TG: variants seen among roughly 807,000 people sequenced by gnomAD.
The protein encoded by TG is thyroid hormones.
Under a neutral mutation model 324.7 loss-of-function variants are expected in TG, and 270 were observed. The ratio of observed to expected loss-of-function variants is 0.83; its 90% CI spans 0.75 to 0.92. TG has a LOEUF of 0.92. TG is among the 40% of genes least tolerant of loss of function. The pLI is 0.00. For synonymous variants in TG, 1,401 were observed against 1,327.0 expected (o/e 1.06, Z -1.21); for missense variants, 3,591 against 3,456.4 (o/e 1.04, Z -0.98).
chr8:132,955,483 C>A (rs1289151885), intron 27 of TG, among the ~76,000 whole-genome samples: 2 of 152,220 alleles, frequency 1.3e-5, no homozygotes, highest in African/African-American at 4.8e-5. Context: ...CAAGCCACGG[C>A]TCTAGGGCTA....
intron 18 of TG, among the ~76,000 whole-genome samples, chr8:132,910,529 G>A (rs1819363697): frequency 6.6e-6 from 1 of 152,070 alleles, no homozygotes; most frequent in African/African-American, 2.4e-5. Context: ...ATAGTATTAG[G>A]GAACTTTGTG....
chr8:133,123,743 T>C (rs970301058), intron 45 of TG, among the ~76,000 whole-genome samples: 8 of 152,330 alleles, frequency 5.3e-5, no homozygotes, highest in Admixed American at 5.2e-4. Context: ...TGGTCTGTGC[T>C]CTGGGCCCCA....
chr8:133,115,422 G>A (rs537292273), intron 44 of TG, among the ~76,000 whole-genome samples: 1 of 152,266 alleles, frequency 6.6e-6, no homozygotes, highest in African/African-American at 2.4e-5. Flanking sequence ...TGCATGGGGG[G>A]AAACTCAGTT....
chr8:133,106,872 T>C (rs2979028), intron 43 of TG, among the ~76,000 whole-genome samples: 48,192 of 152,060 alleles, frequency 0.32, 8,310 homozygotes, highest in African/African-American at 0.45. Flanking sequence ...TGCCTCGAGC[T>C]GCTCCTGGCA....
intron 16 of TG, among the ~76,000 whole-genome samples, chr8:132,904,434 A>G (rs1469604980): frequency 6.6e-6 from 1 of 152,212 alleles, no homozygotes; most frequent in African/African-American, 2.4e-5. Flanking sequence ...TAAAGATGTA[A>G]AGTGTACTCT....
chr8:133,019,542 G>T, intron 38 of TG, 60 bp from the exon 39 acceptor site: 1 of 1,444,228 alleles, frequency 6.9e-7, no homozygotes, highest in South Asian at 1.1e-5. Flanking sequence ...GACCATGGTG[G>T]TGGGTGGGGA....
chr8:132,972,218 C>G (rs1338630981), intron 33 of TG: 1 of 450,560 alleles, frequency 2.2e-6, no homozygotes, highest in Non-Finnish European at 4.1e-6. Flanking sequence ...GATTCCCTTA[C>G]TAGTGTGTGA....
At position 133,043,136 on chromosome 8, in the gene TG, T is replaced by C. The variant is rs374943223; in HGVS notation, c.7239+13113T>C. ...GAGGTGAACAGATGACTGTAATCCA[T>C]TGAGTGGTTCGATGACCAGGAACAT... On this transcript the variant is annotated intron_variant, in intron 41 of 47. Transcript: ENST00000220616. Among the ~76,000 whole-genome samples the C allele has an allele frequency of 2.5e-4, 38 of 152,264 alleles. No individual in the cohort carries two copies. In the East Asian group the frequency reaches 6.0e-3, roughly 24 times the overall value.
intron 20 of TG, among the ~76,000 whole-genome samples, chr8:132,915,565 G>A (rs1039731039): frequency 6.6e-6 from 1 of 152,164 alleles, no homozygotes; most frequent in Non-Finnish European, 1.5e-5. Context: ...CTGCATGGGA[G>A]ACCTTGCCCA....
chr8:133,107,107 A>G (rs1279077599), intron 43 of TG, among the ~76,000 whole-genome samples: 2 of 152,172 alleles, frequency 1.3e-5, no homozygotes, highest in African/African-American at 4.8e-5. Context: ...TCATTAATGC[A>G]TTTCGTTCTA....
At chr8:132,955,750 G>C (rs7836320) in intron 27 of TG, among the ~76,000 whole-genome samples, 1 of 152,250 alleles carries the variant, frequency 6.6e-6, no homozygotes, top group African/African-American at 2.4e-5. Flanking sequence ...ACCACTCCTA[G>C]AGTGTGCTTT....
At chr8:132,990,435 AT>A (rs1273511061) in intron 35 of TG, among the ~76,000 whole-genome samples, 1 of 152,056 alleles carries the variant, frequency 6.6e-6, no homozygotes, top group Non-Finnish European at 1.5e-5. Flanking sequence ...TGTTGTGAAC[AT>A]TCCAAATCCT....
chr8:132,995,462 C>A (rs774282828), intron 35 of TG: 3 of 985,202 alleles, frequency 3.0e-6, no homozygotes, highest in African/African-American at 1.7e-5. Context: ...TTCACCCATA[C>A]CCTTGTTCAG....
intron 1 of TG, 40 bp from the exon 2 acceptor site, chr8:132,868,075 G>A (rs758777196): frequency 1.3e-6 from 2 of 1,585,976 alleles, no homozygotes; most frequent in Non-Finnish European, 1.7e-6. Context: ...TGGCAGCCCA[G>A]TCCACACTCT....
intron 41 of TG, among the ~76,000 whole-genome samples, chr8:133,065,096 A>G (rs1030540443): frequency 1.3e-5 from 2 of 152,196 alleles, no homozygotes; most frequent in African/African-American, 4.8e-5. Flanking sequence ...CTTCTAAGGC[A>G]TGGAAGTGTG....
At chr8:132,914,701 G>A (rs1293943471) in intron 20 of TG, among the ~76,000 whole-genome samples, 1 of 152,232 alleles carries the variant, frequency 6.6e-6, no homozygotes, top group Non-Finnish European at 1.5e-5. Flanking sequence ...CTGATTAATA[G>A]AGGGCGAGTA....
chr8:132,999,226 G>C (rs1315443174), intron 35 of TG, among the ~76,000 whole-genome samples: 3 of 152,248 alleles, frequency 2.0e-5, no homozygotes, highest in Middle Eastern at 3.4e-3. Flanking sequence ...GGCCAAGATG[G>C]TGCAGAGAGG....
chr8:133,096,272 C>T lies in TG; in HGVS notation c.7471C>T (p.Pro2491Ser). 6.2e-7 allele frequency: 1 copy of T among 1,614,244 alleles called. No individual in the cohort carries two copies. Among genetic ancestry groups the T allele is most frequent in the East Asian group, 2.2e-5 (1 of 44,886 alleles). The part of the protein sequence containing the change: ...PVIDGHFLRE[P>S]PARALKRSLW... ...GATCGATGGCCACTTCCTCCGTGAG[C>T]CTCCAGCCAGAGCACTGAAGAGGTC... The change falls in exon 43 of 48, where the codon CCT (proline) becomes TCT (serine). Residue 2491 changes from proline (P) to serine (S), a missense_variant. Transcript: ENST00000220616.
At chr8:132,870,637 T>G (rs184183273) in intron 3 of TG, among the ~76,000 whole-genome samples, 10 of 152,042 alleles carry the variant, frequency 6.6e-5, no homozygotes, top group Non-Finnish European at 1.5e-4. Context: ...AAAAGAGATG[T>G]GTTTGGCTCA....
Sources: gnomAD v4.1 joint callset for allele counts (sites outside exome capture counted in the v4.1 genomes callset) on GRCh38, gnomAD v4.1.1 for gene constraint, MANE v1.5 for transcripts, NCBI Gene and HGNC (gene_info 2026-07-23, HGNC 2026-07-21) for gene names.